WSCD2: variants seen among roughly 807,000 people sequenced by gnomAD.
WSCD2 encodes WSC domain sialate O sulfotransferase 2, also known as sialate:O-sulfotransferase 2.
Under a neutral mutation model 55.7 loss-of-function variants are expected in WSCD2, and 28 were observed. The observed-to-expected ratio is 0.50, with a 90% CI of 0.37 to 0.69. WSCD2 has a LOEUF of 0.69. Ranked by LOEUF, WSCD2 falls within the 30% of genes least tolerant of loss-of-function variation. The pLI, the probability that WSCD2 is intolerant of heterozygous loss-of-function variation, is 0.00. For missense variants in WSCD2, 616 were observed against 762.1 expected (o/e 0.81, Z 2.26); for synonymous variants, 301 against 301.9 (o/e 1.00, Z 0.03).
chr12:108,175,228 C>T (rs996594161), intron 1 of WSCD2, among the ~76,000 whole-genome samples: 35 of 152,298 alleles, frequency 2.3e-4, no homozygotes, highest in African/African-American at 7.5e-4. Flanking sequence ...TGCACAGCAC[C>T]GGACAGTTCC....
chr12:108,152,841 G>A (rs1878143785), intron 1 of WSCD2, among the ~76,000 whole-genome samples: 1 of 152,230 alleles, frequency 6.6e-6, no homozygotes, highest in Admixed American at 6.5e-5. Flanking sequence ...GCTCATGCCT[G>A]TAATCCCAGC....
At chr12:108,197,667 T>A (rs1220835456) in intron 2 of WSCD2, among the ~76,000 whole-genome samples, 1 of 151,972 alleles carries the variant, frequency 6.6e-6, no homozygotes, top group Non-Finnish European at 1.5e-5. Context: ...CTTATAGGTA[T>A]AGGTGAGGTG....
At chr12:108,166,302 T>C (rs754775162) in intron 1 of WSCD2, among the ~76,000 whole-genome samples, 1 of 152,184 alleles carries the variant, frequency 6.6e-6, no homozygotes, top group Non-Finnish European at 1.5e-5. Flanking sequence ...ATGACTCTGC[T>C]CTTGGTATTT....
chr12:108,248,861 G>A lies in WSCD2; in HGVS notation c.*518G>A. 1.0e-6 allele frequency: 1 copy of A among 988,902 alleles called. No individual in the cohort carries two copies. The highest frequency in any genetic ancestry group is 1.2e-6 in the Non-Finnish European group (1 of 831,804). 61.3% of individuals were successfully genotyped at this position (988,902 alleles called of 1,614,324 possible). ...AACTCAGGCCACCTTCTGTTCTAAA[G>A]AAAGATTGCTGGGAAGTTTCTCCGT... On this transcript the variant is annotated 3_prime_UTR_variant, in exon 9 of 9. Coordinates refer to ENST00000547525, the MANE Select transcript of WSCD2 (RefSeq NM_014653.4). The surrounding 1 kb of genome is among the most constrained non-coding windows in gnomAD (Gnocchi z 4.3).
In WSCD2 at chr12:108,210,193, G is replaced by C; in HGVS notation, c.570G>C (p.Val190=). 1 of 1,614,096 alleles carries C rather than the reference G, an allele frequency of 6.2e-7. No homozygotes were observed. Reference sequence around the variant, plus strand: ...GCCACAAGATCCAGGCGACGAACGTGAGCGAGGCAGAGTGCGACATGGAGT... The same window carrying C: ...GCCACAAGATCCAGGCGACGAACGTCAGCGAGGCAGAGTGCGACATGGAGT... ...YCGHKIQATN[V]SEAECDMECK... is the part of the protein sequence containing the mutation. The change falls in exon 4 of 9, where the codon GTG becomes GTC. Residue 190 remains valine, a synonymous_variant. Transcript: ENST00000547525. The surrounding 1 kb of genome is among the most constrained non-coding windows in gnomAD (Gnocchi z 4.3).
intron 1 of WSCD2, among the ~76,000 whole-genome samples, chr12:108,182,763 C>G (rs1179121042): frequency 6.6e-6 from 1 of 152,188 alleles, no homozygotes; most frequent in African/African-American, 2.4e-5. Flanking sequence ...CTGTAGCTAT[C>G]TGCTTAAGAA....
intron 1 of WSCD2, among the ~76,000 whole-genome samples, chr12:108,140,252 A>G (rs996586239): frequency 6.6e-6 from 1 of 152,190 alleles, no homozygotes; most frequent in Admixed American, 6.5e-5. Context: ...CAAAACTGGA[A>G]GGGCTGAGTG....
chr12:108,184,980 C>T (rs1429249429), intron 1 of WSCD2, among the ~76,000 whole-genome samples: 1 of 152,146 alleles, frequency 6.6e-6, no homozygotes, highest in Non-Finnish European at 1.5e-5. Flanking sequence ...AGGGTGAACT[C>T]CTTCAGTGGT....
In WSCD2 at chr12:108,178,156, C is replaced by T. The variant is rs535516002; in HGVS notation, c.-551-17126C>T. Among the ~76,000 whole-genome samples the T allele has an allele frequency of 2.0e-5, 3 of 152,216 alleles. No homozygotes were observed. In the South Asian group the frequency reaches 6.2e-4, roughly 32 times the overall value. On this transcript the variant is annotated intron_variant, in intron 1 of 8. Coordinates refer to ENST00000547525, the MANE Select transcript of WSCD2 (RefSeq NM_014653.4). ...AATTAAGGTGTCAGCAGGGTTGGTT[C>T]CTCCGAGGTGTGTGTGGGAAGAATT...
Position 108,232,736 on chromosome 12 carries a change from C to T in WSCD2, c.985C>T (p.Arg329Cys). Reference sequence around the variant, plus strand: ...CCATGCTCCGCCCTTTTCAGACAACCGTTGCATGGACAGAAGGTTCCTGCC... The same window carrying T: ...CCATGCTCCGCCCTTTTCAGACAACTGTTGCATGGACAGAAGGTTCCTGCC... ...IVYQTQVQDN[R>C]CMDRRFLPGK... Residue 329 changes from arginine (R) to cysteine (C), a missense_variant, in exon 7 of 9, where the codon CGT becomes TGT. Physicochemically the swap from Arg to Cys is radical, Grantham distance 180 (BLOSUM62 -3). Coordinates refer to ENST00000547525, the MANE Select transcript of WSCD2 (RefSeq NM_014653.4). 2.5e-6 allele frequency: 4 copies of T among 1,611,376 alleles called. No homozygotes were observed. The highest frequency in any genetic ancestry group is 3.4e-6 in the Non-Finnish European group (4 of 1,178,574).
intron 1 of WSCD2, among the ~76,000 whole-genome samples, chr12:108,155,985 C>A (rs7132506): frequency 9.2e-4 from 140 of 152,308 alleles, no homozygotes; most frequent in Middle Eastern, 3.4e-3. Context: ...CTGTGCCCCC[C>A]ACACACATAC....
chr12:108,232,071 G>T (rs185811191), intron 6 of WSCD2, among the ~76,000 whole-genome samples: 206 of 152,322 alleles, frequency 1.4e-3, no homozygotes, highest in African/African-American at 4.8e-3. Context: ...GCACAGGAGA[G>T]GAAGTACAGA....
At chr12:108,183,294 T>C (rs753582778) in intron 1 of WSCD2, among the ~76,000 whole-genome samples, 3 of 152,224 alleles carry the variant, frequency 2.0e-5, no homozygotes, top group Non-Finnish European at 4.4e-5. Context: ...GCAGGTCCCA[T>C]GGTGTCTGCT....
chr12:108,143,901 C>T (rs1221343718), intron 1 of WSCD2, among the ~76,000 whole-genome samples: 1 of 152,152 alleles, frequency 6.6e-6, no homozygotes. Flanking sequence ...ATCCAGATGC[C>T]TCCAGGACAG....
chr12:108,240,288 G>T lies in WSCD2; in HGVS notation c.1145-56G>T, dbSNP rs1406043674. 6 of 1,600,748 alleles carry T rather than the reference G, an allele frequency of 3.7e-6. No homozygotes were observed. In the African/African-American group the frequency reaches 6.7e-5, roughly 18 times the overall value. Reference sequence around the variant, plus strand: ...GAGGTGGCCCAGAAGAGAGTGGGGTGGGCTTCTTGCTTCCCCAGCTCACCA... The same window carrying T: ...GAGGTGGCCCAGAAGAGAGTGGGGTTGGCTTCTTGCTTCCCCAGCTCACCA... On this transcript the variant is annotated intron_variant, in intron 7 of 8. Transcript: ENST00000547525.
At chr12:108,185,301 C>T (rs889949280) in intron 1 of WSCD2, among the ~76,000 whole-genome samples, 1 of 152,186 alleles carries the variant, frequency 6.6e-6, no homozygotes, top group African/African-American at 2.4e-5. Context: ...GGTCACACTG[C>T]AGTTCAAGAA....
chr12:108,228,439 G>T (rs2137177686), intron 6 of WSCD2, among the ~76,000 whole-genome samples: 1 of 152,300 alleles, frequency 6.6e-6, no homozygotes, highest in South Asian at 2.1e-4. Flanking sequence ...TTGTTTTCAG[G>T]TGTCTGACTC....
chr12:108,154,053 A>C (rs1878282556), intron 1 of WSCD2, among the ~76,000 whole-genome samples: 1 of 152,152 alleles, frequency 6.6e-6, no homozygotes, highest in Non-Finnish European at 1.5e-5. Context: ...TTCTGTTGTT[A>C]CTGATTTAGA....
intron 7 of WSCD2, among the ~76,000 whole-genome samples, chr12:108,239,111 C>T (rs182976892): frequency 7.2e-5 from 11 of 152,288 alleles, no homozygotes; most frequent in African/African-American, 2.6e-4. Context: ...TCTTTCTGGT[C>T]TAGTGCTGGC....
Sources: gnomAD v4.1 joint callset for allele counts (sites outside exome capture counted in the v4.1 genomes callset) on GRCh38, gnomAD v4.1.1 for gene constraint, Gnocchi (gnomAD v3.1) non-coding constraint, MANE v1.5 for transcripts, NCBI Gene and HGNC (gene_info 2026-07-23, HGNC 2026-07-21) for gene names.